Variants in ZFHX3 observed in about 807,000 individuals in gnomAD.
The protein encoded by ZFHX3 is zinc finger homeobox 3, also known as zinc finger homeobox protein 3.
ZFHX3 carries 42 observed loss-of-function variants against 279.1 expected under a neutral mutation model. The ratio of observed to expected loss-of-function variants is 0.15; its 90% CI spans 0.12 to 0.19. The LOEUF (loss-of-function observed/expected upper bound fraction) is 0.19, where lower values mean the gene tolerates loss of function less well. Ranked by LOEUF, ZFHX3 falls within the 10% of genes least tolerant of loss-of-function variation. The pLI, the probability that ZFHX3 is intolerant of heterozygous loss-of-function variation, is 1.00. For synonymous variants in ZFHX3, 2,293 were observed against 1,957.8 expected (o/e 1.17, Z -4.52); for missense variants, 4,981 against 4,754.0 (o/e 1.05, Z -1.40).
intron 9 of ZFHX3, among the ~76,000 whole-genome samples, chr16:72,792,587 G>A (rs141992696): frequency 6.6e-6 from 1 of 152,250 alleles, no homozygotes; most frequent in East Asian, 1.9e-4. Context: ...GAATAGCTGG[G>A]ACTATAGGTG....
intron 7 of ZFHX3, among the ~76,000 whole-genome samples, chr16:73,110,283 G>C (rs1966356716): frequency 6.6e-6 from 1 of 151,962 alleles, no homozygotes; most frequent in Non-Finnish European, 1.5e-5. Flanking sequence ...ACTTGTGCAA[G>C]TATCTCAGTA....
chr16:72,845,323 C>G (rs938599192), intron 4 of ZFHX3, among the ~76,000 whole-genome samples: 22 of 152,198 alleles, frequency 1.4e-4, no homozygotes, highest in Admixed American at 1.3e-3. Flanking sequence ...GCAGCCCGGC[C>G]TGTGATGGGA....
At chr16:73,635,945 A>G (rs1432856993) in intron 2 of ZFHX3, among the ~76,000 whole-genome samples, 9 of 152,200 alleles carry the variant, frequency 5.9e-5, no homozygotes, top group South Asian at 2.1e-4. Flanking sequence ...CTTAGTGTGT[A>G]TGGCACACAA....
At chr16:73,718,180 G>A (rs982549104) in intron 1 of ZFHX3, among the ~76,000 whole-genome samples, 1 of 152,196 alleles carries the variant, frequency 6.6e-6, no homozygotes, top group African/African-American at 2.4e-5. Flanking sequence ...GGAAGCCAAA[G>A]GGGGTAGATG....
Position 72,785,973 on chromosome 16 carries a change from T to C in ZFHX3, c.*1191A>G, listed in dbSNP as rs2143240999. The C allele has an allele frequency of 6.6e-6, 1 of 152,342 alleles. No homozygotes were observed. 9.4% of individuals were successfully genotyped at this position (152,342 alleles called of 1,614,324 possible). A position where few individuals can be genotyped will look rare whatever the true frequency, so the allele number is the denominator to read the frequency against. Reference sequence around the variant, plus strand: ...TGACCCCTAGAATCCCTTGAAATTCTTTCTTTAGTTTTATAAAATAATTCT... The same window carrying C: ...TGACCCCTAGAATCCCTTGAAATTCCTTCTTTAGTTTTATAAAATAATTCT... On this transcript the variant is annotated 3_prime_UTR_variant, in exon 10 of 10. Transcript: ENST00000268489.
chr16:73,457,864 C>A (rs1961841910), intron 2 of ZFHX3, among the ~76,000 whole-genome samples: 1 of 152,236 alleles, frequency 6.6e-6, no homozygotes, highest in Non-Finnish European at 1.5e-5. Flanking sequence ...AAGTTCTCAG[C>A]ACACAGCCTA....
chr16:72,949,181 C>G (rs1346157998), intron 3 of ZFHX3, among the ~76,000 whole-genome samples: 1 of 152,216 alleles, frequency 6.6e-6, no homozygotes, highest in Admixed American at 6.5e-5. Flanking sequence ...CCGACATGGG[C>G]AAAGGACTAG....
chr16:73,843,030 T>C (rs1240689105), intron 1 of ZFHX3, among the ~76,000 whole-genome samples: 1 of 152,270 alleles, frequency 6.6e-6, no homozygotes, highest in Non-Finnish European at 1.5e-5. Flanking sequence ...AAGGACTGTC[T>C]GATTTCTTTT....
intron 2 of ZFHX3, among the ~76,000 whole-genome samples, chr16:73,610,614 T>C (rs759992000): frequency 3.3e-5 from 5 of 152,196 alleles, no homozygotes; most frequent in Non-Finnish European, 7.3e-5. Flanking sequence ...ATTTACAAAA[T>C]TATCTTTCCC....
intron 2 of ZFHX3, among the ~76,000 whole-genome samples, chr16:73,520,169 T>A (rs1310539198): frequency 6.6e-6 from 1 of 152,176 alleles, no homozygotes; most frequent in African/African-American, 2.4e-5. Flanking sequence ...ATTTTCAAAG[T>A]GTTGCTTCAA....
intron 3 of ZFHX3, among the ~76,000 whole-genome samples, chr16:73,328,957 C>T (rs532897122): frequency 6.6e-6 from 1 of 152,206 alleles, no homozygotes; most frequent in Non-Finnish European, 1.5e-5. Flanking sequence ...ATCGAAGGAC[C>T]TCTCTGTCCT....
chr16:72,931,469 A>G (rs1480861091), intron 3 of ZFHX3, among the ~76,000 whole-genome samples: 1 of 147,786 alleles, frequency 6.8e-6, no homozygotes, highest in African/African-American at 2.5e-5. Flanking sequence ...TTCAGCTTTC[A>G]AAAGAGGTCG....
At chr16:73,780,267 C>T (rs556885956) in intron 1 of ZFHX3, among the ~76,000 whole-genome samples, 2 of 151,044 alleles carry the variant, frequency 1.3e-5, no homozygotes, top group African/African-American at 4.9e-5. Context: ...TGTGCCTCAG[C>T]CTCCTGAGTA....
At chr16:73,635,953 C>G (rs143180309) in intron 2 of ZFHX3, among the ~76,000 whole-genome samples, 2 of 152,170 alleles carry the variant, frequency 1.3e-5, no homozygotes, top group Non-Finnish European at 2.9e-5. Flanking sequence ...GTATGGCACA[C>G]AATCTGTTGT....
chr16:72,805,496 G>A (rs1230936232), intron 7 of ZFHX3, among the ~76,000 whole-genome samples: 2 of 152,172 alleles, frequency 1.3e-5, no homozygotes, highest in African/African-American at 2.4e-5. Context: ...GACAAAAAGA[G>A]GAGAGACCTC....
chr16:73,321,384 A>T (rs1212651668), intron 3 of ZFHX3, among the ~76,000 whole-genome samples: 1 of 152,160 alleles, frequency 6.6e-6, no homozygotes, highest in Non-Finnish European at 1.5e-5. Context: ...TCACAGCAGT[A>T]CCTGACCTCC....
intron 2 of ZFHX3, among the ~76,000 whole-genome samples, chr16:73,639,502 C>T (rs949553230): frequency 3.3e-5 from 5 of 152,244 alleles, no homozygotes; most frequent in Non-Finnish European, 5.9e-5. Flanking sequence ...TTTAATCATA[C>T]TTTTTCATGA....
chr16:73,329,938 G>T (rs75840553), intron 3 of ZFHX3, among the ~76,000 whole-genome samples: 2,319 of 152,292 alleles, frequency 0.015, 36 homozygotes, highest in South Asian at 0.059. Flanking sequence ...TCCTCAGTGG[G>T]CTCTTCTGGG....
chr16:73,696,946 T>G (rs1168583740), intron 1 of ZFHX3, among the ~76,000 whole-genome samples: 1 of 152,204 alleles, frequency 6.6e-6, no homozygotes, highest in Non-Finnish European at 1.5e-5. Flanking sequence ...ATGTAGCAAT[T>G]AATTCTAATA....
Sources: allele counts gnomAD v4.1 joint callset (sites outside exome capture counted in the v4.1 genomes callset), GRCh38; gene constraint gnomAD v4.1.1; transcripts MANE v1.5; gene names NCBI Gene and HGNC (gene_info 2026-07-23, HGNC 2026-07-21).